The following LRRC69 variants were observed in gnomAD, a reference collection of about 807,000 sequenced individuals.
LRRC69 encodes the protein leucine-rich repeat-containing protein 69.
A neutral mutation model predicts 37.8 loss-of-function variants in LRRC69; 42 were observed. The observed-to-expected ratio is 1.11, with a 90% CI of 0.87 to 1.44. The LOEUF is 1.44. LRRC69 is among the 40% of genes most tolerant of loss of function. LRRC69 has a pLI of 0.00. For synonymous variants in LRRC69, 141 were observed against 143.1 expected, an observed-to-expected ratio of 0.99 and a Z score of 0.11; for missense variants, 357 against 401.9, an observed-to-expected ratio of 0.89 and a Z score of 0.96.
At chr8:91,133,981 T>C (rs1452354738) in intron 4 of LRRC69, among the ~76,000 whole-genome samples, 3 of 151,914 alleles carry the variant, frequency 2.0e-5, no homozygotes, top group East Asian at 1.9e-4. Flanking sequence ...GGTAACGATG[T>C]ATACAGAACA....
chr8:91,121,815 A>C (rs1272211953), intron 1 of LRRC69, among the ~76,000 whole-genome samples: 1 of 151,782 alleles, frequency 6.6e-6, no homozygotes, highest in Non-Finnish European at 1.5e-5. Context: ...TTTAAGAGAT[A>C]TGTATTCACT....
At chr8:91,199,807 G>T (rs933818746) in intron 6 of LRRC69, among the ~76,000 whole-genome samples, 1 of 152,084 alleles carries the variant, frequency 6.6e-6, no homozygotes, top group African/African-American at 2.4e-5. Context: ...TCTTTGCTTG[G>T]TCAGTGAAGA....
chr8:91,109,438 G>T (rs1354565105), intron 1 of LRRC69, among the ~76,000 whole-genome samples: 2 of 152,014 alleles, frequency 1.3e-5, no homozygotes, highest in South Asian at 4.1e-4. Flanking sequence ...TGTTTACATA[G>T]AAAATTTTAG....
chr8:91,153,344 A>G (rs1808775266), intron 5 of LRRC69, among the ~76,000 whole-genome samples: 1 of 151,320 alleles, frequency 6.6e-6, no homozygotes, highest in African/African-American at 2.4e-5. Context: ...ACTTGAACTC[A>G]ACTCTGGATC....
intron 5 of LRRC69, chr8:91,157,796 G>A: frequency 1.9e-6 from 3 of 1,607,964 alleles, no homozygotes; most frequent in Non-Finnish European, 2.6e-6. Flanking sequence ...AGTGGAAGTG[G>A]AATGGGATTA....
At chr8:91,142,148 A>G (rs1193645579) in intron 5 of LRRC69, among the ~76,000 whole-genome samples, 1 of 151,984 alleles carries the variant, frequency 6.6e-6, no homozygotes, top group Non-Finnish European at 1.5e-5. Context: ...TCAAACTGCA[A>G]TCATTTGAAG....
chr8:91,194,960 T>A (rs952404471), intron 6 of LRRC69, among the ~76,000 whole-genome samples: 1 of 152,218 alleles, frequency 6.6e-6, no homozygotes, highest in African/African-American at 2.4e-5. Context: ...GGATCTTTCC[T>A]GCTTTGTCTT....
chr8:91,214,761 T>C (rs890903453), intron 7 of LRRC69, among the ~76,000 whole-genome samples: 6 of 152,130 alleles, frequency 3.9e-5, no homozygotes, highest in East Asian at 1.9e-4. Context: ...TAGTTTTCCA[T>C]TGAAGCTGTT....
At chr8:91,215,331 A>G (rs1166213684) in intron 7 of LRRC69, among the ~76,000 whole-genome samples, 2 of 152,054 alleles carry the variant, frequency 1.3e-5, no homozygotes, top group African/African-American at 2.4e-5. Flanking sequence ...ATCTTATCCA[A>G]ACTTTTTACT....
intron 5 of LRRC69, among the ~76,000 whole-genome samples, chr8:91,147,317 G>A (rs903886016): frequency 7.5e-5 from 11 of 146,100 alleles, no homozygotes; most frequent in South Asian, 6.4e-4. Context: ...TTTGATTCAC[G>A]TTTACATGAT....
At chr8:91,154,792 C>T (rs1226193445) in intron 5 of LRRC69, among the ~76,000 whole-genome samples, 2 of 151,714 alleles carry the variant, frequency 1.3e-5, no homozygotes, top group Admixed American at 6.6e-5. Context: ...AAGCTGGAAG[C>T]ATTTCCTTTG....
chr8:91,196,865 C>A (rs1183724869), intron 6 of LRRC69, among the ~76,000 whole-genome samples: 1 of 152,202 alleles, frequency 6.6e-6, no homozygotes, highest in Non-Finnish European at 1.5e-5. Context: ...CTCCGTCCAG[C>A]TTTGTTCCAT....
Position 91,188,451 on chromosome 8 carries a change from A to G in LRRC69, c.652-1071A>G, listed in dbSNP as rs1225567014. On this transcript the variant is annotated intron_variant, in intron 5 of 7. Coordinates refer to ENST00000448384, the Ensembl canonical transcript of LRRC69. Reference sequence around the variant, plus strand: ...ACATCCCTTCCCAAACTCTGTGTTCAGTGACTTGAATCAGCTATAGCAGGA... The same window carrying G: ...ACATCCCTTCCCAAACTCTGTGTTCGGTGACTTGAATCAGCTATAGCAGGA... Among the ~76,000 whole-genome samples the G allele has an allele frequency of 4.6e-5, 7 of 152,322 alleles. No individual in the cohort carries two copies. The East Asian group carries it at 9.7e-4, about 21-fold the overall frequency.
Position 91,158,015 on chromosome 8 carries a change from G to A in LRRC69, c.651+22276G>A, listed in dbSNP as rs1808867286. ...AATTCTAGGTCTACAACTTCATGCA[G>A]ATGTTGGAGACAAAGTCAAAATTAT... On this transcript the variant is annotated intron_variant, in intron 5 of 7. Coordinates refer to ENST00000448384, the Ensembl canonical transcript of LRRC69. 6.8e-6 allele frequency: 9 copies of A among 1,327,000 alleles called. No homozygotes were observed. The Admixed American group carries it at 1.5e-4, about 22-fold the overall frequency. The allele number at this position is 1,327,000 out of a possible 1,614,324, so 82.2% of individuals were successfully genotyped here.
At position 91,206,622 on chromosome 8, in the gene LRRC69, T is replaced by C. The variant is rs967899445; in HGVS notation, c.933+5830T>C. On this transcript the variant is annotated intron_variant, in intron 7 of 7. Coordinates refer to ENST00000448384, the Ensembl canonical transcript of LRRC69. ...ACCTTAGACAAGTTGCCATGTTTAA[T>C]TGTGCTCTGACAGATTCCCTCTCAA... 3.3e-5 allele frequency: 41 copies of C among 1,230,210 alleles called. No individual in the cohort carries two copies. In the Admixed American group the frequency reaches 7.2e-4, roughly 22 times the overall value. The allele number at this position is 1,230,210 out of a possible 1,614,324, so 76.2% of individuals were successfully genotyped here. A position where few individuals can be genotyped will look rare whatever the true frequency, so the allele number is the denominator to read the frequency against.
chr8:91,197,945 A>G (rs961936800), intron 6 of LRRC69, among the ~76,000 whole-genome samples: 2 of 152,148 alleles, frequency 1.3e-5, no homozygotes, highest in Non-Finnish European at 2.9e-5. Flanking sequence ...TGATGTGTGT[A>G]GTTTTAAGAG....
chr8:91,198,791 T>G (rs1408436593), intron 6 of LRRC69, among the ~76,000 whole-genome samples: 1 of 152,124 alleles, frequency 6.6e-6, no homozygotes, highest in African/African-American at 2.4e-5. Context: ...TCTCAAAAAT[T>G]GCACTGAATG....
rs1808723434 is a variant in LRRC69, at chr8:91,150,879, GT to G, written c.651+15143del. 2.0e-5 allele frequency among the ~76,000 whole-genome samples: 3 copies of G among 151,898 alleles called. No individual in the cohort carries two copies. In the South Asian group the frequency reaches 6.2e-4, roughly 32 times the overall value. On this transcript the variant is annotated intron_variant, in intron 5 of 7. Coordinates refer to ENST00000448384, the Ensembl canonical transcript of LRRC69. ...CTTTCTAGTTTGTTTGCATAGAGGT[GT>G]TTATAGTATTCTCTGATGGTAGTTT... is the stretch of plus-strand genomic sequence containing the variant.
At chr8:91,114,251 G>C (rs1362271698) in intron 1 of LRRC69, among the ~76,000 whole-genome samples, 1 of 151,890 alleles carries the variant, frequency 6.6e-6, no homozygotes, top group African/African-American at 2.4e-5. Context: ...AGAGTATGAA[G>C]ATTCCTCAAA....
Sources: gnomAD v4.1 joint callset for allele counts (sites outside exome capture counted in the v4.1 genomes callset) on GRCh38, gnomAD v4.1.1 for gene constraint, MANE v1.5 for transcripts, NCBI Gene and HGNC (gene_info 2026-07-23, HGNC 2026-07-21) for gene names.